The following EXOC4 variants were observed in gnomAD, a reference collection of about 807,000 sequenced individuals.
EXOC4 encodes the protein exocyst complex component 4.
A neutral mutation model predicts 107.2 loss-of-function variants in EXOC4; 71 were observed. The observed-to-expected ratio is 0.66, with a 90% CI of 0.55 to 0.81. The LOEUF is 0.81. Ranked by LOEUF, EXOC4 falls within the 30% of genes least tolerant of loss-of-function variation. The pLI is 0.00. For synonymous variants in EXOC4, 456 were observed against 441.2 expected (o/e 1.03, Z -0.42); for missense variants, 1,108 against 1,189.6 (o/e 0.93, Z 1.01).
intron 14 of EXOC4, among the ~76,000 whole-genome samples, chr7:133,990,279 C>A (rs942835702): frequency 6.9e-6 from 1 of 144,062 alleles, no homozygotes; most frequent in Admixed American, 7.0e-5. Flanking sequence ...CCCCCCCCCA[C>A]CCCTTTTTAT....
chr7:133,785,949 G>A (rs571944134), intron 10 of EXOC4, among the ~76,000 whole-genome samples: 139 of 152,276 alleles, frequency 9.1e-4, no homozygotes, highest in African/African-American at 3.2e-3. Flanking sequence ...GATCACAGGC[G>A]TGAGCCACTG....
intron 17 of EXOC4, among the ~76,000 whole-genome samples, chr7:134,035,046 C>CT (rs146401762): frequency 0.2 from 25,178 of 128,782 alleles, 3,019 homozygotes; most frequent in East Asian, 0.42. Flanking sequence ...CTTTTCTTTA[C>CT]TTTTTTTTTT....
chr7:134,039,467 C>G (rs552903454), intron 17 of EXOC4, among the ~76,000 whole-genome samples: 1 of 152,276 alleles, frequency 6.6e-6, no homozygotes, highest in African/African-American at 2.4e-5. Context: ...TATTTACTTT[C>G]TTGTTCTTAG....
intron 17 of EXOC4, among the ~76,000 whole-genome samples, chr7:134,008,186 G>C (rs1794687851): frequency 6.6e-6 from 1 of 152,036 alleles, no homozygotes; most frequent in Non-Finnish European, 1.5e-5. Context: ...TAAGATATTT[G>C]GTATATTTTC....
chr7:133,499,970 C>T (rs569060377), intron 9 of EXOC4, among the ~76,000 whole-genome samples: 72 of 151,610 alleles, frequency 4.7e-4, no homozygotes, highest in Non-Finnish European at 8.7e-4. Flanking sequence ...ACTAATATGC[C>T]TTATTATTTC....
intron 2 of EXOC4, among the ~76,000 whole-genome samples, chr7:133,283,138 C>G (rs937732796): frequency 1.3e-5 from 2 of 152,214 alleles, no homozygotes; most frequent in African/African-American, 4.8e-5. Flanking sequence ...CAGGGTCGCA[C>G]TCTGTTGTCC....
chr7:133,399,359 A>G lies in EXOC4; in HGVS notation c.1182+24357A>G, dbSNP rs1797039384. The stretch of plus-strand genomic sequence containing the variant: ...GTGCACACATTGTATATTTTTCACA[A>G]AATTTCATGAACTAAACCTACCCAC... On this transcript the variant is annotated intron_variant, in intron 7 of 17. Transcript: ENST00000253861. Among the ~76,000 whole-genome samples, 5 of 152,240 alleles carry G rather than the reference A, an allele frequency of 3.3e-5. No individual in the cohort carries two copies. The South Asian group carries it at 8.3e-4, about 25-fold the overall frequency.
chr7:133,484,034 T>C (rs375255868), intron 9 of EXOC4: 479 of 1,613,926 alleles, frequency 3.0e-4, no homozygotes, highest in Non-Finnish European at 3.9e-4. Flanking sequence ...TTTCCTTCCG[T>C]TGCAGGGTAG....
Position 133,857,191 on chromosome 7 carries a change from TA to T in EXOC4, c.1735-38407del, listed in dbSNP as rs1563029949. On this transcript the variant is annotated intron_variant, in intron 11 of 17. Coordinates refer to ENST00000253861, the MANE Select transcript of EXOC4 (RefSeq NM_021807.4). ...ATATATATATATATATATATATATA[TA>T]TATATATATTTTACCTCTACTTAAC... is the stretch of plus-strand genomic sequence containing the variant. 4.6e-3 allele frequency among the ~76,000 whole-genome samples: 156 copies of T among 33,572 alleles called. 16 individuals are homozygous for T. The highest frequency in any genetic ancestry group is 6.5e-3 in the Non-Finnish European group (126 of 19,490). The allele number at this position is 33,572 out of a possible 152,430, so 22.0% of individuals were successfully genotyped here.
At chr7:133,907,630 G>A (rs1799597008) in intron 12 of EXOC4, among the ~76,000 whole-genome samples, 1 of 152,190 alleles carries the variant, frequency 6.6e-6, no homozygotes, top group Non-Finnish European at 1.5e-5. Flanking sequence ...CTTGAGGTCA[G>A]GATTTCGAGA....
chr7:133,334,730 A>C, intron 5 of EXOC4, among the ~76,000 whole-genome samples: 1 of 138,414 alleles, frequency 7.2e-6, no homozygotes, highest in African/African-American at 2.7e-5. Flanking sequence ...TCCACTCTCC[A>C]CCCTCCAATG....
At chr7:133,660,860 C>A (rs931571488) in intron 10 of EXOC4, among the ~76,000 whole-genome samples, 1 of 152,126 alleles carries the variant, frequency 6.6e-6, no homozygotes, top group African/African-American at 2.4e-5. Flanking sequence ...GAGAGAACTG[C>A]TGTTTATTCA....
intron 3 of EXOC4, among the ~76,000 whole-genome samples, chr7:133,305,337 C>T (rs1356423424): frequency 6.6e-6 from 1 of 152,018 alleles, no homozygotes; most frequent in East Asian, 1.9e-4. Context: ...TACTATTGTC[C>T]ATTTGTAGCA....
At chr7:133,457,040 T>C (rs1228150226) in intron 7 of EXOC4, among the ~76,000 whole-genome samples, 3 of 152,200 alleles carry the variant, frequency 2.0e-5, no homozygotes, top group Non-Finnish European at 4.4e-5. Context: ...CCTAACATAG[T>C]GCCCTGCATT....
chr7:133,375,419 T>G (rs1212901046), intron 7 of EXOC4, among the ~76,000 whole-genome samples: 1 of 152,030 alleles, frequency 6.6e-6, no homozygotes, highest in Non-Finnish European at 1.5e-5. Flanking sequence ...GAGTTTGCAG[T>G]GAGCCATTGT....
chr7:133,267,230 G>T (rs1020977107), intron 1 of EXOC4, among the ~76,000 whole-genome samples: 3 of 152,140 alleles, frequency 2.0e-5, no homozygotes, highest in African/African-American at 7.2e-5. Flanking sequence ...TCAGGCTTTG[G>T]CTGGGTGCTC....
chr7:133,309,703 G>A (rs1794828949), intron 4 of EXOC4, among the ~76,000 whole-genome samples: 1 of 152,210 alleles, frequency 6.6e-6, no homozygotes, highest in Admixed American at 6.5e-5. Context: ...ACTTTGGGAA[G>A]CCGAGGTGGG....
intron 10 of EXOC4, among the ~76,000 whole-genome samples, chr7:133,703,560 G>C (rs1295373135): frequency 6.6e-6 from 1 of 152,164 alleles, no homozygotes; most frequent in African/African-American, 2.4e-5. Flanking sequence ...TTGTGAAACC[G>C]ATCAGAAGAG....
At chr7:133,399,250 A>G (rs757214020) in intron 7 of EXOC4, among the ~76,000 whole-genome samples, 1 of 152,116 alleles carries the variant, frequency 6.6e-6, no homozygotes, top group Non-Finnish European at 1.5e-5. Flanking sequence ...TGGAGAATTT[A>G]TTTTTTTGTA....
Sources: gnomAD v4.1 joint callset for allele counts (sites outside exome capture counted in the v4.1 genomes callset) on GRCh38, gnomAD v4.1.1 for gene constraint, MANE v1.5 for transcripts, NCBI Gene and HGNC (gene_info 2026-07-23, HGNC 2026-07-21) for gene names.